Variants in ABR observed in about 807,000 individuals in gnomAD.
ABR encodes active breakpoint cluster region-related protein.
A neutral mutation model predicts 107.2 loss-of-function variants in ABR; 35 were observed. The ratio of observed to expected loss-of-function variants is 0.33; its 90% CI spans 0.25 to 0.43. The LOEUF (loss-of-function observed/expected upper bound fraction) is 0.43. ABR is among the 20% of genes least tolerant of loss of function. The pLI is 1.00. For synonymous variants in ABR, 498 were observed against 462.0 expected (o/e 1.08, Z -1.00); for missense variants, 815 against 1,115.2 (o/e 0.73, Z 3.83).
chr17:1,201,399 C>A (rs2042668431), intron 1 of ABR, among the ~76,000 whole-genome samples: 1 of 152,162 alleles, frequency 6.6e-6, no homozygotes, highest in African/African-American at 2.4e-5. Context: ...ACACCCCGCA[C>A]AGCGCCTGTT....
intron 16 of ABR, among the ~76,000 whole-genome samples, chr17:1,034,315 G>A (rs2073013457): frequency 1.3e-5 from 2 of 152,216 alleles, no homozygotes; most frequent in East Asian, 1.9e-4. Flanking sequence ...CCTGGGGTGG[G>A]GGTTAAGGCA....
intron 1 of ABR, among the ~76,000 whole-genome samples, chr17:1,131,390 A>G (rs879221382): frequency 1.3e-3 from 38 of 30,002 alleles, no homozygotes; most frequent in East Asian, 5.7e-3. Context: ...CCTGACACGC[A>G]CACAGCTCCC....
rs2042053179 is a variant in ABR, at chr17:1,179,659, A to T, written c.61+8T>A. ...TCCTGGGGTCCCGCCCCCGCCCGGC[A>T]CACGTACTGCTGTAGAGGGTGTCGA... On this transcript the variant is annotated splice_region_variant and intron_variant, in intron 1 of 22. Transcript: ENST00000302538. This position sits in a 1 kb window ranked among gnomAD's most constrained non-coding sequence, Gnocchi z 4.9. 6.5e-7 allele frequency: 1 copy of T among 1,544,000 alleles called. No individual in the cohort carries two copies. Among genetic ancestry groups the T allele is most frequent in the African/African-American group, 1.4e-5 (1 of 70,374 alleles).
intron 1 of ABR, among the ~76,000 whole-genome samples, chr17:1,196,567 T>C (rs990936054): frequency 6.6e-6 from 1 of 151,602 alleles, no homozygotes; most frequent in African/African-American, 2.4e-5. Flanking sequence ...GATGACTCTG[T>C]TGCCCTGGGC....
intron 1 of ABR, among the ~76,000 whole-genome samples, chr17:1,224,459 T>C (rs549779287): frequency 6.6e-6 from 1 of 152,298 alleles, no homozygotes; most frequent in South Asian, 2.1e-4. Context: ...GTGTTCTCTC[T>C]CTGAAACCCT....
chr17:1,146,568 C>T (rs912379273), intron 1 of ABR, among the ~76,000 whole-genome samples: 1 of 152,156 alleles, frequency 6.6e-6, no homozygotes, highest in Non-Finnish European at 1.5e-5. Context: ...CACCCAAGTC[C>T]CTTCAGTGCC....
chr17:1,100,033 G>A (rs560801008), intron 3 of ABR, among the ~76,000 whole-genome samples: 41 of 151,566 alleles, frequency 2.7e-4, no homozygotes, highest in African/African-American at 9.7e-4. Context: ...GGCTGAGGCA[G>A]GAGAATCACT....
intron 1 of ABR, among the ~76,000 whole-genome samples, chr17:1,173,261 C>A (rs1277750794): frequency 2.1e-5 from 3 of 141,262 alleles, no homozygotes; most frequent in Admixed American, 7.0e-5. Context: ...CACCTCAGCC[C>A]ACCCAACACA....
Position 1,179,517 on chromosome 17 carries a change from G to A in ABR, c.61+150C>T, listed in dbSNP as rs1447709452. 9.4e-6 allele frequency: 7 copies of A among 748,364 alleles called. No individual in the cohort carries two copies. Among genetic ancestry groups the A allele is most frequent in the Non-Finnish European group, 1.3e-5 (7 of 545,552 alleles). 46.4% of individuals were successfully genotyped at this position (748,364 alleles called of 1,614,324 possible). A position where few individuals can be genotyped will look rare whatever the true frequency, so the allele number is the denominator to read the frequency against. Reference sequence around the variant, plus strand: ...CCAACCCGACCCCGATCCGGACCCCGATCTCGCCCCCGCCCGCGCTCCCCG... The same window carrying A: ...CCAACCCGACCCCGATCCGGACCCCAATCTCGCCCCCGCCCGCGCTCCCCG... On this transcript the variant is annotated intron_variant, in intron 1 of 22. Transcript: ENST00000302538. The surrounding 1 kb of genome is among the most constrained non-coding windows in gnomAD (Gnocchi z 4.9).
At chr17:1,024,050 G>A (rs1345079739) in intron 16 of ABR, among the ~76,000 whole-genome samples, 79 of 80,352 alleles carry the variant, frequency 9.8e-4, no homozygotes, top group South Asian at 2.8e-3. Context: ...AAAAAAAAAA[G>A]CAGCATCAAC....
At chr17:1,161,366 C>G (rs552775617) in intron 1 of ABR, among the ~76,000 whole-genome samples, 2 of 151,918 alleles carry the variant, frequency 1.3e-5, no homozygotes, top group African/African-American at 4.8e-5. Flanking sequence ...CTCAGCCTCC[C>G]AAGTAGCTTA....
upstream of ABR, among the ~76,000 whole-genome samples, chr17:1,191,754 C>T (rs903065749): frequency 2.0e-5 from 3 of 152,098 alleles, no homozygotes; most frequent in African/African-American, 4.8e-5. Context: ...AACATAGAAA[C>T]GAGGCAGCAA....
intron 3 of ABR, among the ~76,000 whole-genome samples, chr17:1,097,391 G>C (rs1036308563): frequency 1.3e-5 from 2 of 152,110 alleles, no homozygotes; most frequent in African/African-American, 4.8e-5. Flanking sequence ...AGGAGTTCAA[G>C]ACCAGCCTGG....
chr17:1,018,740 T>C (rs145931216), intron 16 of ABR, among the ~76,000 whole-genome samples: 93 of 152,282 alleles, frequency 6.1e-4, no homozygotes, highest in Non-Finnish European at 1.2e-3. Context: ...CACAGGGCTG[T>C]TATGGAAGAG....
chr17:1,173,534 C>T (rs1280283355), intron 1 of ABR, among the ~76,000 whole-genome samples: 3 of 151,966 alleles, frequency 2.0e-5, no homozygotes, highest in Middle Eastern at 3.4e-3. Context: ...AATCATAAAC[C>T]CTGGCAAAAG....
chr17:1,116,326 C>T (rs1284617453), intron 2 of ABR, among the ~76,000 whole-genome samples: 1 of 152,142 alleles, frequency 6.6e-6, no homozygotes, highest in Admixed American at 6.5e-5. Flanking sequence ...AAGAAAACTC[C>T]CCTGCACTCT....
exon 1 of ABR, chr17:1,186,932 G>C (rs2042313093): frequency 1.3e-5 from 2 of 152,502 alleles, no homozygotes; most frequent in African/African-American, 4.8e-5. Context: ...AGCACGTCCA[G>C]CTGGGGTCAG....
At chr17:1,059,563 G>A (rs930732873) in intron 10 of ABR, among the ~76,000 whole-genome samples, 1 of 152,190 alleles carries the variant, frequency 6.6e-6, no homozygotes, top group South Asian at 2.1e-4. Context: ...AGGCCCCCAT[G>A]GCAGGGTTCC....
intron 6 of ABR, among the ~76,000 whole-genome samples, chr17:1,075,110 C>G (rs371829385): frequency 3.3e-5 from 5 of 152,248 alleles, no homozygotes; most frequent in Non-Finnish European, 5.9e-5. Context: ...CTCCACAACC[C>G]GGACACCAAG....
Sources: gnomAD v4.1 joint callset for allele counts (sites outside exome capture counted in the v4.1 genomes callset) on GRCh38, gnomAD v4.1.1 for gene constraint, Gnocchi (gnomAD v3.1) non-coding constraint, MANE v1.5 for transcripts, NCBI Gene and HGNC (gene_info 2026-07-23, HGNC 2026-07-21) for gene names.